Variants in HS6ST3 observed in about 807,000 individuals in gnomAD.
The protein encoded by HS6ST3 is heparan-sulfate 6-O-sulfotransferase 3.
In HS6ST3, 12 loss-of-function variants were observed where a neutral mutation model predicts 36.7. That is an observed-to-expected ratio of 0.33 (90% CI 0.21 to 0.53). HS6ST3 has a LOEUF of 0.53. Among genes scored for constraint, HS6ST3 ranks in the 20% least tolerant of loss-of-function variants. The pLI is 0.95. For missense variants in HS6ST3, 584 were observed against 640.9 expected, an observed-to-expected ratio of 0.91 and a Z score of 0.96; for synonymous variants, 240 against 257.5, an observed-to-expected ratio of 0.93 and a Z score of 0.65.
chr13:96,745,814 C>G (rs1456354086), intron 1 of HS6ST3, among the ~76,000 whole-genome samples: 1 of 152,042 alleles, frequency 6.6e-6, no homozygotes, highest in Non-Finnish European at 1.5e-5. Flanking sequence ...AGCCAACTTC[C>G]CACTGGCCAT....
intron 1 of HS6ST3, among the ~76,000 whole-genome samples, chr13:96,332,577 T>C (rs1438682766): frequency 1.3e-5 from 2 of 152,236 alleles, no homozygotes; most frequent in African/African-American, 2.4e-5. Flanking sequence ...CTTCCTCTGC[T>C]ACTGGCTGTA....
intron 1 of HS6ST3, among the ~76,000 whole-genome samples, chr13:96,540,006 T>G (rs1211134479): frequency 6.6e-6 from 1 of 152,234 alleles, no homozygotes; most frequent in East Asian, 1.9e-4. Flanking sequence ...AAGACCAGAA[T>G]GTTGGGCATA....
At chr13:96,663,237 C>T (rs186830655) in intron 1 of HS6ST3, among the ~76,000 whole-genome samples, 1 of 152,302 alleles carries the variant, frequency 6.6e-6, no homozygotes, top group Admixed American at 6.5e-5. Flanking sequence ...TATCACACCC[C>T]TGTCCCGGGG....
chr13:96,622,467 A>T (rs978909737), intron 1 of HS6ST3, among the ~76,000 whole-genome samples: 1 of 152,148 alleles, frequency 6.6e-6, no homozygotes, highest in African/African-American at 2.4e-5. Flanking sequence ...TACTCTCCAT[A>T]TCACTTAGAA....
chr13:96,446,928 G>A (rs117932749), intron 1 of HS6ST3, among the ~76,000 whole-genome samples: 71 of 152,254 alleles, frequency 4.7e-4, no homozygotes, highest in East Asian at 4.6e-3. Flanking sequence ...ACCAGGAAGC[G>A]CACTCATTTC....
intron 1 of HS6ST3, among the ~76,000 whole-genome samples, chr13:96,213,761 G>A (rs761016227): frequency 7.9e-5 from 12 of 152,148 alleles, no homozygotes; most frequent in South Asian, 2.1e-4. Flanking sequence ...TTCAGAGATA[G>A]GAAGAATGCA....
At chr13:96,171,138 G>A (rs1480761323) in intron 1 of HS6ST3, among the ~76,000 whole-genome samples, 1 of 152,208 alleles carries the variant, frequency 6.6e-6, no homozygotes, top group Non-Finnish European at 1.5e-5. Context: ...GCTATGATAG[G>A]AAATGCTCAG....
chr13:96,136,985 A>T (rs2054005540), intron 1 of HS6ST3, among the ~76,000 whole-genome samples: 1 of 152,048 alleles, frequency 6.6e-6, no homozygotes, highest in Admixed American at 6.6e-5. Context: ...TTTAGAGCTA[A>T]ACCCTTAGCT....
At chr13:96,564,614 T>C (rs1163698949) in intron 1 of HS6ST3, among the ~76,000 whole-genome samples, 2 of 152,180 alleles carry the variant, frequency 1.3e-5, no homozygotes. Flanking sequence ...GTGGGATACT[T>C]TCTCCACGAA....
chr13:96,410,643 A>G (rs1227580717), intron 1 of HS6ST3, among the ~76,000 whole-genome samples: 2 of 152,196 alleles, frequency 1.3e-5, no homozygotes, highest in African/African-American at 2.4e-5. Flanking sequence ...ATTGTTAGCC[A>G]AATTATTCCA....
At chr13:96,474,531 A>G (rs960557361) in intron 1 of HS6ST3, among the ~76,000 whole-genome samples, 3 of 152,224 alleles carry the variant, frequency 2.0e-5, no homozygotes, top group African/African-American at 7.2e-5. Context: ...TACAATCAGT[A>G]TGCATTACCA....
intron 1 of HS6ST3, among the ~76,000 whole-genome samples, chr13:96,291,298 A>G (rs1594744672): frequency 6.6e-6 from 1 of 152,184 alleles, no homozygotes; most frequent in African/African-American, 2.4e-5. Context: ...GACCAATGAA[A>G]CAATAATAAG....
At chr13:96,739,315 A>G (rs1478552514) in intron 1 of HS6ST3, among the ~76,000 whole-genome samples, 5 of 147,704 alleles carry the variant, frequency 3.4e-5, no homozygotes, top group African/African-American at 1.3e-4. Flanking sequence ...CACAGCCTCA[A>G]ATATCACCTC....
At chr13:96,501,839 T>G (rs1262089760) in intron 1 of HS6ST3, among the ~76,000 whole-genome samples, 2 of 152,250 alleles carry the variant, frequency 1.3e-5, no homozygotes, top group African/African-American at 4.8e-5. Flanking sequence ...AGCAAACTTG[T>G]AAACTTGTCC....
chr13:96,481,894 C>A (rs1487961086), intron 1 of HS6ST3, among the ~76,000 whole-genome samples: 1 of 152,124 alleles, frequency 6.6e-6, no homozygotes, highest in African/African-American at 2.4e-5. Flanking sequence ...CAGGCTCTCA[C>A]CTCTCTCACC....
At chr13:96,155,021 A>G (rs1048704053) in intron 1 of HS6ST3, among the ~76,000 whole-genome samples, 2 of 152,158 alleles carry the variant, frequency 1.3e-5, no homozygotes, top group Non-Finnish European at 2.9e-5. Flanking sequence ...ACTAGATAGA[A>G]GCAGTATTAA....
intron 1 of HS6ST3, among the ~76,000 whole-genome samples, chr13:96,808,375 C>A (rs534205920): frequency 3.9e-4 from 59 of 152,120 alleles, no homozygotes; most frequent in Non-Finnish European, 6.8e-4. Flanking sequence ...CATTTAATGG[C>A]CAGTGTGAGT....
intron 1 of HS6ST3, among the ~76,000 whole-genome samples, chr13:96,671,396 A>G (rs1291983695): frequency 1.3e-5 from 2 of 152,150 alleles, no homozygotes; most frequent in Non-Finnish European, 2.9e-5. Flanking sequence ...ATGCCCAACT[A>G]ACTACAAAGA....
intron 1 of HS6ST3, among the ~76,000 whole-genome samples, chr13:96,593,174 CTTTTTTTTTTTTT>C (rs35380296): frequency 2.1e-5 from 1 of 46,602 alleles, no homozygotes; most frequent in Admixed American, 4.4e-4. Flanking sequence ...TTCTTTCTTT[CTTTTTTTTTTTTT>C]TTTTTTTTTT....
Sources: allele counts gnomAD v4.1 joint callset (sites outside exome capture counted in the v4.1 genomes callset), GRCh38; gene constraint gnomAD v4.1.1; transcripts MANE v1.5; gene names NCBI Gene and HGNC (gene_info 2026-07-23, HGNC 2026-07-21).